The following TRIP12 variants were observed in gnomAD, a reference collection of about 807,000 sequenced individuals.
TRIP12 encodes E3 ubiquitin-protein ligase TRIP12.
TRIP12 carries 25 observed loss-of-function variants against 244.2 expected under a neutral mutation model. The ratio of observed to expected loss-of-function variants is 0.10; its 90% confidence interval spans 0.07 to 0.14. TRIP12 has a LOEUF of 0.14. Ranked by LOEUF, TRIP12 falls within the 10% of genes least tolerant of loss-of-function variation. The pLI is 1.00. For synonymous variants in TRIP12, 905 were observed against 873.1 expected (o/e 1.04, Z -0.64); for missense variants, 1,677 against 2,486.4 (o/e 0.67, Z 6.92).
chr2:229,803,693 A>T lies in TRIP12; in HGVS notation c.2880-4T>A, dbSNP rs753415913. The stretch of plus-strand genomic sequence containing the variant: ...TGACAGCATGGAAGCAATGTGACTA[A>T]AAAAAGAAAGCATTTGTATATAAAA... On this transcript the variant is annotated splice_polypyrimidine_tract_variant and splice_region_variant and intron_variant, in intron 19 of 41. Coordinates refer to ENST00000675903, the MANE Select transcript of TRIP12 (RefSeq NM_001348323.3). The T allele has an allele frequency of 6.3e-7, 1 of 1,586,424 alleles. No homozygotes were observed. Among genetic ancestry groups the T allele is most frequent in the Non-Finnish European group, 8.6e-7 (1 of 1,167,452 alleles).
chr2:229,917,380 C>CAAAAAAAAAAAA lies in TRIP12; in HGVS notation c.-50+4488_-50+4499dup. Among the ~76,000 whole-genome samples, 114 of 29,272 alleles carry CAAAAAAAAAAAA rather than the reference C, an allele frequency of 3.9e-3. 24 individuals carry two copies. The highest frequency in any genetic ancestry group is 4.8e-3 in the Non-Finnish European group (81 of 16,784). The allele number at this position is 29,272 out of a possible 152,430, so 19.2% of individuals were successfully genotyped here. ...TGGGCAACAGAGCGAGACTCTGTCT[C>CAAAAAAAAAAAA]AAAAAAAAAAAAAAAAAAAAAAAAA... On this transcript the variant is annotated intron_variant, in intron 1 of 41. Transcript: ENST00000675903.
intron 7 of TRIP12, among the ~76,000 whole-genome samples, chr2:229,830,403 A>AT (rs1394210365): frequency 1.3e-5 from 2 of 152,218 alleles, no homozygotes; most frequent in Non-Finnish European, 2.9e-5. Flanking sequence ...AGTGGGTTAA[A>AT]TGCATTCATA....
chr2:229,860,352 A>G lies in TRIP12; in HGVS notation c.224+54T>C, dbSNP rs1003582016. On this transcript the variant is annotated intron_variant, in intron 3 of 41. Coordinates refer to ENST00000675903, the MANE Select transcript of TRIP12 (RefSeq NM_001348323.3). ...CCTCAAGTTTTAACATTATGCAATGATTTGAATGCAAATAATTCTGCCTTG... is the reference window on the plus strand; with the variant it reads ...CCTCAAGTTTTAACATTATGCAATGGTTTGAATGCAAATAATTCTGCCTTG... 1.9e-5 allele frequency: 30 copies of G among 1,561,608 alleles called. No individual in the cohort carries two copies. The African/African-American group carries it at 3.5e-4, about 18-fold the overall frequency.
rs972994851 is a variant in TRIP12 at position 229,798,926 on chromosome 2, C to T, written c.3431G>A (p.Gly1144Glu). The change falls in exon 23 of 42, where the codon GGA becomes GAA. Residue 1144 changes from glycine (G) to glutamate (E), a missense_variant. Physicochemically the swap from Gly to Glu is moderately conservative, Grantham distance 98. Coordinates refer to ENST00000675903, the MANE Select transcript of TRIP12 (RefSeq NM_001348323.3). ...GGCAGCCCTGGCAAGGCCACTACCT[C>T]CCGCAGTCCGTGCTGGCTCAATGTT... Reference protein sequence around the residue: ...SNNIEPARTAGGSGLARAASK... With the variant: ...SNNIEPARTAEGSGLARAASK... 1.9e-6 allele frequency: 3 copies of T among 1,614,088 alleles called. No individual in the cohort carries two copies. The highest frequency in any genetic ancestry group is 1.3e-5 in the African/African-American group (1 of 74,926).
chr2:229,766,231 C>T lies in TRIP12; in HGVS notation c.*1323G>A, dbSNP rs1214882649. ...GGAATCTCCTCCCATTTTCTCTTCA[C>T]ATTTTAGTTTCTTCAAGTTGCTATT... On this transcript the variant is annotated 3_prime_UTR_variant, in exon 42 of 42. Coordinates refer to ENST00000675903, the MANE Select transcript of TRIP12 (RefSeq NM_001348323.3). 11 of 152,146 alleles carry T rather than the reference C, an allele frequency of 7.2e-5. No homozygotes were observed. Among genetic ancestry groups the T allele is most frequent in the Non-Finnish European group, 1.5e-4 (10 of 68,030 alleles). 9.4% of individuals were successfully genotyped at this position (152,146 alleles called of 1,614,324 possible). A position where few individuals can be genotyped will look rare whatever the true frequency, so the allele number is the denominator to read the frequency against.
At chr2:229,808,654 T>C (rs2046482352) in intron 15 of TRIP12, among the ~76,000 whole-genome samples, 1 of 152,228 alleles carries the variant, frequency 6.6e-6, no homozygotes, top group African/African-American at 2.4e-5. Flanking sequence ...GAACCCTTTA[T>C]TTCTTTCCTT....
intron 1 of TRIP12, among the ~76,000 whole-genome samples, chr2:229,890,890 G>C (rs2067186715): frequency 6.6e-6 from 1 of 152,174 alleles, no homozygotes; most frequent in Non-Finnish European, 1.5e-5. Flanking sequence ...CAGGAGCCAA[G>C]AGAAAATTCA....
At chr2:229,811,271 C>CTT in intron 13 of TRIP12, 67 bp from the exon 14 acceptor site, 1 of 1,465,980 alleles carries the variant, frequency 6.8e-7, no homozygotes, top group Non-Finnish European at 9.3e-7. Flanking sequence ...TGTATCACTA[C>CTT]TTTATCTTCC....
chr2:229,863,215 C>T (rs1409784960), intron 2 of TRIP12, among the ~76,000 whole-genome samples: 8 of 133,160 alleles, frequency 6.0e-5, no homozygotes, highest in Admixed American at 1.7e-4. Flanking sequence ...GGTGACAGGG[C>T]GAGACTCCAT....
chr2:229,879,902 G>A (rs1229888119), intron 2 of TRIP12, 80 bp downstream of exon 2: 6 of 1,500,718 alleles, frequency 4.0e-6, no homozygotes, highest in South Asian at 1.1e-5. Context: ...AACCATTCAA[G>A]TTTTGGACCT....
intron 6 of TRIP12, among the ~76,000 whole-genome samples, chr2:229,831,994 A>G (rs2053564040): frequency 6.6e-6 from 1 of 151,368 alleles, no homozygotes; most frequent in South Asian, 2.1e-4. Context: ...CAGGAAGAAT[A>G]TTTTTGTCAT....
chr2:229,807,816 G>A lies in TRIP12; in HGVS notation c.2388C>T (p.Thr796=). ...TCTGTGCATTTCCCTTCTTCAACAT[G>A]GTATCAACTGCAAAAATGCCTTCTT... is the stretch of plus-strand genomic sequence containing the variant. The part of the protein sequence containing the change: ...LPKEGIFAVD[T]MLKKGNAQNT... The change falls in exon 17 of 42, where the codon ACC becomes ACT. Residue 796 remains threonine, a synonymous_variant. Transcript: ENST00000675903. The A allele has an allele frequency of 6.2e-7, 1 of 1,613,876 alleles. No individual in the cohort carries two copies. Among genetic ancestry groups the A allele is most frequent in the Non-Finnish European group, 8.5e-7 (1 of 1,179,964 alleles).
intron 6 of TRIP12, among the ~76,000 whole-genome samples, chr2:229,831,347 A>C (rs548848862): frequency 2.2e-4 from 33 of 152,356 alleles, no homozygotes; most frequent in African/African-American, 7.9e-4. Context: ...TCAAGAGTGC[A>C]AAAAGATATT....
At position 229,767,095 on chromosome 2, in the gene TRIP12, T is replaced by A. The variant is rs766283263; in HGVS notation, c.*459A>T. 2 of 153,528 alleles carry A rather than the reference T, an allele frequency of 1.3e-5. No individual in the cohort carries two copies. The highest frequency in any genetic ancestry group is 2.9e-5 in the Non-Finnish European group (2 of 68,774). The allele number at this position is 153,528 out of a possible 1,614,324, so 9.5% of individuals were successfully genotyped here. ...AAGTGAAAAGCACATAGAGCTAGTC[T>A]ACTAAACTATATTTGTCAAATACAT... On this transcript the variant is annotated 3_prime_UTR_variant, in exon 42 of 42. Coordinates refer to ENST00000675903, the MANE Select transcript of TRIP12 (RefSeq NM_001348323.3).
chr2:229,879,883 T>C (rs770817972), intron 2 of TRIP12, 99 bp downstream of exon 2: 56 of 1,301,646 alleles, frequency 4.3e-5, no homozygotes, highest in Non-Finnish European at 5.9e-5. Flanking sequence ...AAATTACCCA[T>C]ATGCAATGAA....
intron 11 of TRIP12, chr2:229,814,612 A>G (rs952638864): frequency 7.3e-6 from 2 of 273,954 alleles, no homozygotes; most frequent in African/African-American, 4.4e-5. Context: ...GTTGTTTTAC[A>G]CAACAAAATT....
intron 1 of TRIP12, among the ~76,000 whole-genome samples, chr2:229,909,969 A>G (rs2073948530): frequency 6.6e-6 from 1 of 152,248 alleles, no homozygotes; most frequent in African/African-American, 2.4e-5. Flanking sequence ...TCTAGGTTTG[A>G]GAGTATTGCT....
At chr2:229,843,816 A>G (rs950233884) in intron 4 of TRIP12, among the ~76,000 whole-genome samples, 6 of 152,178 alleles carry the variant, frequency 3.9e-5, no homozygotes, top group African/African-American at 1.4e-4. Flanking sequence ...CCTTAAGCCC[A>G]GGAGTCCAAG....
At chr2:229,922,241 G>A, upstream of TRIP12, 2 of 450,676 alleles carry the variant, frequency 4.4e-6, no homozygotes, top group South Asian at 2.6e-5. Flanking sequence ...AGGGGACTGT[G>A]GAGATCTACT....
Sources: gnomAD v4.1 joint callset for allele counts (sites outside exome capture counted in the v4.1 genomes callset) on GRCh38, gnomAD v4.1.1 for gene constraint, MANE v1.5 for transcripts, NCBI Gene and HGNC (gene_info 2026-07-23, HGNC 2026-07-21) for gene names.